Variants in MICAL2 observed in about 807,000 individuals in gnomAD.
MICAL2 encodes the protein microtubule associated monooxygenase, calponin and LIM domain containing 2.
In MICAL2, 77 loss-of-function variants were observed where a neutral mutation model predicts 127.3. That is an observed-to-expected ratio of 0.60 (90% CI 0.50 to 0.73). The LOEUF (loss-of-function observed/expected upper bound fraction) is 0.73. Among genes scored for constraint, MICAL2 ranks in the 30% least tolerant of loss-of-function variants. The probability of loss-of-function intolerance (pLI) is 0.00; values close to 1 mark genes in which losing one functional copy is unlikely to be tolerated. For synonymous variants in MICAL2, 570 were observed against 551.1 expected (o/e 1.03, Z -0.48); for missense variants, 1,351 against 1,434.4 (o/e 0.94, Z 0.94).
At chr11:12,171,853 G>A (rs1856296234) in intron 3 of MICAL2, among the ~76,000 whole-genome samples, 2 of 152,144 alleles carry the variant, frequency 1.3e-5, no homozygotes, top group South Asian at 4.1e-4. Flanking sequence ...GAAATATAAA[G>A]ACGTGTTGAA....
At chr11:12,300,877 T>C (rs1002359568) in intron 29 of MICAL2, among the ~76,000 whole-genome samples, 2 of 152,198 alleles carry the variant, frequency 1.3e-5, no homozygotes, top group African/African-American at 2.4e-5. Flanking sequence ...TCCACAACAA[T>C]AGAAAAACCC....
chr11:12,199,804 C>G (rs746992762), intron 3 of MICAL2, among the ~76,000 whole-genome samples: 1 of 152,166 alleles, frequency 6.6e-6, no homozygotes. Flanking sequence ...TCTGTGCTAA[C>G]GTGGAGGCCT....
chr11:12,200,082 A>G (rs1341545808), intron 3 of MICAL2, among the ~76,000 whole-genome samples: 3 of 152,102 alleles, frequency 2.0e-5, no homozygotes, highest in East Asian at 1.9e-4. Flanking sequence ...TCAGCTGTCT[A>G]TTGAGGCCTC....
chr11:12,346,959 C>T (rs1397767284), intron 32 of MICAL2, among the ~76,000 whole-genome samples: 1 of 152,168 alleles, frequency 6.6e-6, no homozygotes, highest in East Asian at 1.9e-4. Flanking sequence ...ACTCCACATC[C>T]TTTAATGTCC....
chr11:12,119,151 T>C (rs1050752892), intron 1 of MICAL2, among the ~76,000 whole-genome samples: 2 of 152,084 alleles, frequency 1.3e-5, no homozygotes, highest in African/African-American at 4.8e-5. Flanking sequence ...GGGCTCTGGG[T>C]TCCCCCCTCC....
At chr11:12,115,931 A>G (rs1215539920) in intron 1 of MICAL2, among the ~76,000 whole-genome samples, 2 of 150,914 alleles carry the variant, frequency 1.3e-5, no homozygotes, top group Non-Finnish European at 2.9e-5. Context: ...CACGATGAAC[A>G]TATCCCGACT....
intron 13 of MICAL2, 65 bp from the exon 14 acceptor site, chr11:12,226,106 G>C: frequency 6.6e-7 from 1 of 1,517,948 alleles, no homozygotes; most frequent in South Asian, 1.1e-5. Context: ...CCACCTGAAG[G>C]TGCTCAGCTC....
chr11:12,359,347 AAAAAG>A (rs1256221007), downstream of MICAL2, among the ~76,000 whole-genome samples: 1 of 151,996 alleles, frequency 6.6e-6, no homozygotes. Context: ...AAAAAAAAAA[AAAAAG>A]AGGGGAACTT....
rs142488872 is a variant in MICAL2, at chr11:12,306,382, G to A, written c.5212+11525G>A. ...GGGAATATACAGTGATTTATCTGTC[G>A]GTTCTGTGATTGACTATATGGTCAT... On this transcript the variant is annotated intron_variant, in intron 29 of 34. Transcript: ENST00000646065. 2.9e-4 allele frequency among the ~76,000 whole-genome samples: 44 copies of A among 151,910 alleles called. No individual in the cohort carries two copies. In the East Asian group the frequency reaches 7.5e-3, roughly 26 times the overall value.
downstream of MICAL2, among the ~76,000 whole-genome samples, chr11:12,360,900 T>G (rs1348865648): frequency 6.6e-6 from 1 of 152,130 alleles, no homozygotes; most frequent in Non-Finnish European, 1.5e-5. Flanking sequence ...ACATTTCCAA[T>G]GGACACAAAT....
At chr11:12,338,542 C>A (rs1938806369) in intron 32 of MICAL2, among the ~76,000 whole-genome samples, 1 of 152,172 alleles carries the variant, frequency 6.6e-6, no homozygotes, top group Non-Finnish European at 1.5e-5. Flanking sequence ...GCGGTTTCTT[C>A]CTAGCCTTGA....
At chr11:12,220,973 T>G (rs1332339858) in intron 9 of MICAL2, among the ~76,000 whole-genome samples, 1 of 152,242 alleles carries the variant, frequency 6.6e-6, no homozygotes, top group Non-Finnish European at 1.5e-5. Flanking sequence ...GAAAGTTTTC[T>G]CTTTAGTGTG....
At chr11:12,182,339 G>A (rs999469922) in intron 3 of MICAL2, among the ~76,000 whole-genome samples, 1 of 152,226 alleles carries the variant, frequency 6.6e-6, no homozygotes, top group South Asian at 2.1e-4. Context: ...TCAGGGGTGG[G>A]GGAGTTGCTG....
At chr11:12,266,507 T>C, downstream of MICAL2, among the ~76,000 whole-genome samples, 1 of 152,300 alleles carries the variant, frequency 6.6e-6, no homozygotes, top group South Asian at 2.1e-4. Context: ...CAGCCAGCTG[T>C]TATATAGGGA....
At chr11:12,269,603 G>A (rs1863651817) in intron 24 of MICAL2, among the ~76,000 whole-genome samples, 3 of 152,186 alleles carry the variant, frequency 2.0e-5, no homozygotes, top group African/African-American at 7.2e-5. Context: ...GCATTTCCCT[G>A]TGTCTGGCCC....
intron 24 of MICAL2, 183 bp downstream of exon 24, chr11:12,257,154 G>T: frequency 1.5e-6 from 1 of 655,670 alleles, no homozygotes. Context: ...GCTGCCTGTG[G>T]TCCCAGGGAA....
At chr11:12,303,916 A>T (rs1864078092) in intron 29 of MICAL2, 1 of 152,166 alleles carries the variant, frequency 6.6e-6, no homozygotes, top group Non-Finnish European at 1.5e-5. Flanking sequence ...ACATGCTCAT[A>T]GTCCCACCTA....
At chr11:12,328,553 G>A (rs1238023520) in intron 32 of MICAL2, among the ~76,000 whole-genome samples, 3 of 152,176 alleles carry the variant, frequency 2.0e-5, no homozygotes, top group African/African-American at 4.8e-5. Flanking sequence ...CAGGTAAGGA[G>A]TGGCTTAAAG....
At chr11:12,354,143 T>C (rs1318180625) in intron 33 of MICAL2, among the ~76,000 whole-genome samples, 1 of 152,164 alleles carries the variant, frequency 6.6e-6, no homozygotes, top group African/African-American at 2.4e-5. Context: ...TCTTTCCATG[T>C]ACCTTCAGAG....
Sources: gnomAD v4.1 joint callset for allele counts (sites outside exome capture counted in the v4.1 genomes callset) on GRCh38, gnomAD v4.1.1 for gene constraint, MANE v1.5 for transcripts, NCBI Gene and HGNC (gene_info 2026-07-23, HGNC 2026-07-21) for gene names.